The following GOLM1 variants were observed in gnomAD, a reference collection of about 807,000 sequenced individuals.
The protein encoded by GOLM1 is golgi membrane protein 1.
GOLM1 carries 31 observed loss-of-function variants against 50.5 expected under a neutral mutation model. The ratio of observed to expected loss-of-function variants is 0.61; its 90% CI spans 0.46 to 0.83. GOLM1 has a LOEUF of 0.83. GOLM1 is among the 40% of genes least tolerant of loss of function. The pLI is 0.00. For missense variants in GOLM1, 491 were observed against 501.3 expected (o/e 0.98, Z 0.20); for synonymous variants, 178 against 192.8 (o/e 0.92, Z 0.64).
chr9:86,046,002 T>C (rs985178176), intron 5 of GOLM1, among the ~76,000 whole-genome samples: 1 of 152,230 alleles, frequency 6.6e-6, no homozygotes, highest in African/African-American at 2.4e-5. Context: ...TAGTTTAATA[T>C]TGCTTGGTTT....
At chr9:86,045,098 C>T (rs565380919) in intron 5 of GOLM1, among the ~76,000 whole-genome samples, 2 of 152,102 alleles carry the variant, frequency 1.3e-5, no homozygotes, top group South Asian at 2.1e-4. Flanking sequence ...TGGCTGGGTG[C>T]GGTGACTCAT....
chr9:86,040,958 C>T (rs1190290448), intron 5 of GOLM1, 90 bp from the exon 6 acceptor site: 9 of 1,270,418 alleles, frequency 7.1e-6, no homozygotes, highest in East Asian at 4.7e-5. Flanking sequence ...AGACACAGAC[C>T]CTCTTCCTGC....
chr9:86,095,659 A>C (rs941241501), intron 1 of GOLM1, among the ~76,000 whole-genome samples: 1 of 152,122 alleles, frequency 6.6e-6, no homozygotes, highest in African/African-American at 2.4e-5. Context: ...CTGGAAGATT[A>C]TGCGCGCGTG....
chr9:86,094,807 GGCACGGTGGCTAAT>G (rs1180275180), intron 1 of GOLM1, among the ~76,000 whole-genome samples: 2 of 152,188 alleles, frequency 1.3e-5, no homozygotes, highest in African/African-American at 4.8e-5. Context: ...TCTTGGGCCA[GGCACGGTGGCTAAT>G]GCCTGTAATC....
chr9:86,032,477 A>C (rs1040645353), intron 9 of GOLM1, among the ~76,000 whole-genome samples: 3 of 152,108 alleles, frequency 2.0e-5, no homozygotes, highest in African/African-American at 7.2e-5. Context: ...CAGAAAAATG[A>C]ATTTTAAGAA....
chr9:86,040,735 T>C lies in GOLM1; in HGVS notation c.597+4A>G, dbSNP rs151049504. ...GAAACTCTTGGCAAAAATTCCCCAG[T>C]TACCTGCTGTCTCTGGTCGTTGTTT... is the stretch of plus-strand genomic sequence containing the variant. On this transcript the variant is annotated splice_donor_region_variant and intron_variant, in intron 6 of 9. Coordinates refer to ENST00000388712, the MANE Select transcript of GOLM1 (RefSeq NM_016548.4). The C allele has an allele frequency of 1.9e-6, 3 of 1,607,274 alleles. No homozygotes were observed. The highest frequency in any genetic ancestry group is 2.7e-5 in the African/African-American group (2 of 74,412).
intron 1 of GOLM1, among the ~76,000 whole-genome samples, chr9:86,094,464 CT>C (rs1419386050): frequency 6.6e-6 from 1 of 152,234 alleles, no homozygotes; most frequent in African/African-American, 2.4e-5. Flanking sequence ...TGAACACCAT[CT>C]TTTCCCCAAT....
chr9:86,094,581 G>A (rs918770243), intron 1 of GOLM1, among the ~76,000 whole-genome samples: 1 of 152,160 alleles, frequency 6.6e-6, no homozygotes, highest in Non-Finnish European at 1.5e-5. Context: ...ATGAACTAGG[G>A]AACCAAATTC....
At chr9:86,031,397 GAAAGA>G (rs1832976095) in intron 9 of GOLM1, among the ~76,000 whole-genome samples, 1 of 148,000 alleles carries the variant, frequency 6.8e-6, no homozygotes, top group Admixed American at 6.7e-5. Context: ...TGTTAAAAAG[GAAAGA>G]AATCAAGCAT....
intron 5 of GOLM1, among the ~76,000 whole-genome samples, chr9:86,041,628 C>G (rs570938117): frequency 1.3e-4 from 20 of 152,300 alleles, no homozygotes; most frequent in African/African-American, 4.3e-4. Context: ...AACAGCTTTC[C>G]TGAATCATGT....
At chr9:86,076,585 G>A (rs1215106809) in intron 3 of GOLM1, among the ~76,000 whole-genome samples, 1 of 151,784 alleles carries the variant, frequency 6.6e-6, no homozygotes, top group African/African-American at 2.4e-5. Flanking sequence ...AGAAAACCAG[G>A]CCGGGCACGG....
chr9:86,041,582 T>G (rs533739608), intron 5 of GOLM1, among the ~76,000 whole-genome samples: 1 of 152,308 alleles, frequency 6.6e-6, no homozygotes, highest in South Asian at 2.1e-4. Context: ...GCCCTCACCT[T>G]AGGACTCTAC....
intron 6 of GOLM1, among the ~76,000 whole-genome samples, chr9:86,037,222 C>T (rs1050336987): frequency 6.6e-6 from 1 of 152,172 alleles, no homozygotes; most frequent in Non-Finnish European, 1.5e-5. Context: ...TGAGACCAGC[C>T]TTGCCAACAT....
At chr9:86,066,271 C>T (rs1396810945) in intron 3 of GOLM1, among the ~76,000 whole-genome samples, 2 of 152,170 alleles carry the variant, frequency 1.3e-5, no homozygotes, top group African/African-American at 2.4e-5. Context: ...ACTGTAAACA[C>T]CTCAGAGCCT....
chr9:86,055,467 C>T (rs892111056), intron 3 of GOLM1, among the ~76,000 whole-genome samples: 1 of 152,156 alleles, frequency 6.6e-6, no homozygotes, highest in African/African-American at 2.4e-5. Context: ...AAAGCAGGAT[C>T]CCTAAGAGAT....
rs200895090 is a variant in GOLM1, at chr9:86,045,415, G to T, written c.467+1055C>A. On this transcript the variant is annotated intron_variant, in intron 5 of 9. Transcript: ENST00000388712. ...TGGCCGGGCACAGTGGCTCACACCT[G>T]TAATCCCAGCACTTTGGGAGGCCAA... is the stretch of plus-strand genomic sequence containing the variant. 9.2e-5 allele frequency among the ~76,000 whole-genome samples: 14 copies of T among 152,252 alleles called. No individual in the cohort carries two copies. In the East Asian group the frequency reaches 2.7e-3, roughly 29 times the overall value.
At chr9:86,053,770 A>G (rs1352182260) in intron 3 of GOLM1, among the ~76,000 whole-genome samples, 1 of 139,380 alleles carries the variant, frequency 7.2e-6, no homozygotes, top group Admixed American at 7.0e-5. Context: ...CACCACACCA[A>G]ACCATACACA....
intron 1 of GOLM1, among the ~76,000 whole-genome samples, chr9:86,083,405 A>G (rs1036727218): frequency 3.3e-5 from 5 of 152,192 alleles, no homozygotes; most frequent in African/African-American, 1.2e-4. Context: ...TTTTTCTGAG[A>G]TGGGAGTCTT....
intron 9 of GOLM1, among the ~76,000 whole-genome samples, chr9:86,029,824 G>A (rs753829974): frequency 4.6e-5 from 7 of 152,160 alleles, no homozygotes; most frequent in Non-Finnish European, 1.0e-4. Flanking sequence ...CTTGCACAAG[G>A]TCAAGTCCTT....
Sources: gnomAD v4.1 joint callset for allele counts (sites outside exome capture counted in the v4.1 genomes callset) on GRCh38, gnomAD v4.1.1 for gene constraint, MANE v1.5 for transcripts, NCBI Gene and HGNC (gene_info 2026-07-23, HGNC 2026-07-21) for gene names.